The following MARK1 variants were observed in gnomAD, a reference collection of about 807,000 sequenced individuals.
MARK1 encodes serine/threonine-protein kinase MARK1.
In MARK1, 40 loss-of-function variants were observed where a neutral mutation model predicts 96.3. The ratio of observed to expected loss-of-function variants is 0.42; its 90% CI spans 0.32 to 0.54. MARK1 has a LOEUF of 0.54. MARK1 is among the 20% of genes least tolerant of loss of function. MARK1 has a pLI of 0.16. For synonymous variants in MARK1, 317 were observed against 341.2 expected (o/e 0.93, Z 0.78); for missense variants, 719 against 984.6 (o/e 0.73, Z 3.61).
intron 11 of MARK1, among the ~76,000 whole-genome samples, chr1:220,634,555 A>G (rs2103013259): frequency 6.6e-6 from 1 of 152,366 alleles, no homozygotes; most frequent in Non-Finnish European, 1.5e-5. Context: ...AACAGCTTCT[A>G]GTGAATTATT....
chr1:220,612,119 G>A (rs776753495), intron 6 of MARK1, among the ~76,000 whole-genome samples: 8 of 152,174 alleles, frequency 5.3e-5, no homozygotes, highest in African/African-American at 1.2e-4. Flanking sequence ...TCCAATTTGC[G>A]TTAAATATTC....
intron 6 of MARK1, among the ~76,000 whole-genome samples, chr1:220,605,748 AGTGAGAACAT>A (rs1274615729): frequency 2.0e-5 from 3 of 148,722 alleles, no homozygotes; most frequent in Non-Finnish European, 4.4e-5. Context: ...CCCACCTATG[AGTGAGAACAT>A]GTGGTGTTTG....
At chr1:220,634,812 CTGATCAGAAACA>C (rs1667856478) in intron 11 of MARK1, among the ~76,000 whole-genome samples, 1 of 151,838 alleles carries the variant, frequency 6.6e-6, no homozygotes, top group Admixed American at 6.6e-5. Context: ...ATATAATTTC[CTGATCAGAAACA>C]GTAAACCAGA....
chr1:220,592,470 G>T (rs1413346938), intron 3 of MARK1, among the ~76,000 whole-genome samples: 1 of 151,710 alleles, frequency 6.6e-6, no homozygotes, highest in Non-Finnish European at 1.5e-5. Flanking sequence ...CAGTAACCTG[G>T]GTTAGCTCAG....
At chr1:220,573,279 T>A (rs1340738865) in intron 1 of MARK1, among the ~76,000 whole-genome samples, 1 of 152,120 alleles carries the variant, frequency 6.6e-6, no homozygotes, top group Non-Finnish European at 1.5e-5. Context: ...CATGTGACAG[T>A]TTATGTGATA....
chr1:220,659,898 C>T (rs901590140), intron 17 of MARK1, among the ~76,000 whole-genome samples: 6 of 152,140 alleles, frequency 3.9e-5, no homozygotes, highest in African/African-American at 1.2e-4. Context: ...TCAAGCAATT[C>T]TGCCTCAGCC....
At chr1:220,582,215 A>C (rs1664290891) in intron 3 of MARK1, among the ~76,000 whole-genome samples, 2 of 152,198 alleles carry the variant, frequency 1.3e-5, no homozygotes, top group African/African-American at 4.8e-5. Flanking sequence ...ATAACTTTTC[A>C]TAACACTGAT....
chr1:220,544,641 A>G (rs1462675618), intron 1 of MARK1, among the ~76,000 whole-genome samples: 2 of 152,222 alleles, frequency 1.3e-5, no homozygotes, highest in South Asian at 2.1e-4. Context: ...AGATTAAGAC[A>G]GTGCCTTTAG....
At chr1:220,635,788 T>C in intron 12 of MARK1, 45 bp from the exon 13 acceptor site, 1 of 1,412,874 alleles carries the variant, frequency 7.1e-7, no homozygotes, top group Non-Finnish European at 9.6e-7. Flanking sequence ...AGAAAGTAGA[T>C]CAGTTGTTTT....
intron 1 of MARK1, among the ~76,000 whole-genome samples, chr1:220,553,214 C>G (rs189091259): frequency 1.7e-4 from 26 of 152,282 alleles, no homozygotes; most frequent in Non-Finnish European, 7.4e-5. Context: ...GCCATTAGCA[C>G]CAGTCTGTGA....
At chr1:220,583,810 G>T (rs1343857605) in intron 3 of MARK1, among the ~76,000 whole-genome samples, 2 of 146,014 alleles carry the variant, frequency 1.4e-5, no homozygotes, top group East Asian at 4.1e-4. Context: ...ACCATGCCTG[G>T]CTAATTTTTT....
chr1:220,567,054 A>G (rs1558263694), intron 1 of MARK1, among the ~76,000 whole-genome samples: 1 of 152,162 alleles, frequency 6.6e-6, no homozygotes, highest in Non-Finnish European at 1.5e-5. Context: ...GTTTGTTTTC[A>G]TACATATTTT....
At chr1:220,617,374 G>C (rs1303259282) in intron 7 of MARK1, among the ~76,000 whole-genome samples, 1 of 152,060 alleles carries the variant, frequency 6.6e-6, no homozygotes, top group Non-Finnish European at 1.5e-5. Flanking sequence ...TGGGCAGAGT[G>C]CTTGACTCTT....
chr1:220,529,294 C>G (rs1243355114), intron 1 of MARK1, among the ~76,000 whole-genome samples: 2 of 152,186 alleles, frequency 1.3e-5, no homozygotes, highest in Non-Finnish European at 2.9e-5. Flanking sequence ...CTGGATCTTT[C>G]AATCCTTTGC....
chr1:220,584,385 T>C (rs1390137581), intron 3 of MARK1, among the ~76,000 whole-genome samples: 1 of 152,216 alleles, frequency 6.6e-6, no homozygotes, highest in Non-Finnish European at 1.5e-5. Flanking sequence ...GCTAAAGTTT[T>C]ATAGAATGTG....
intron 1 of MARK1, among the ~76,000 whole-genome samples, chr1:220,543,817 A>C (rs1490440473): frequency 6.6e-6 from 1 of 152,098 alleles, no homozygotes; most frequent in East Asian, 1.9e-4. Flanking sequence ...CTCCCTCCCA[A>C]TCTTTGTTCT....
chr1:220,656,663 A>G (rs1669194439), intron 16 of MARK1, among the ~76,000 whole-genome samples: 1 of 152,222 alleles, frequency 6.6e-6, no homozygotes, highest in African/African-American at 2.4e-5. Flanking sequence ...ATGGATTTGT[A>G]TAGATGGCAT....
In MARK1 at chr1:220,654,170, A is replaced by G. The variant is rs1669048989; in HGVS notation, c.1988+818A>G. On this transcript the variant is annotated intron_variant, in intron 16 of 17. Coordinates refer to ENST00000366917, the MANE Select transcript of MARK1 (RefSeq NM_018650.5). The surrounding 1 kb of genome is among the most constrained non-coding windows in gnomAD (Gnocchi z 4.0). ...CATGATATAAAGCAGAACATGTGCT[A>G]AAAAGTGTGGGCAACATGCTGGATT... is the stretch of plus-strand genomic sequence containing the variant. 2.0e-5 allele frequency among the ~76,000 whole-genome samples: 3 copies of G among 152,240 alleles called. No individual in the cohort carries two copies. Among genetic ancestry groups the G allele is most frequent in the Admixed American group, 1.3e-4 (2 of 15,284 alleles).
intron 16 of MARK1, 108 bp from the exon 17 acceptor site, chr1:220,657,682 T>C (rs1669249384): frequency 4.3e-6 from 3 of 698,444 alleles, no homozygotes; most frequent in Admixed American, 3.6e-5. Flanking sequence ...AAAACTGTCA[T>C]GGTAGAAGTT....
Sources: allele counts gnomAD v4.1 joint callset (sites outside exome capture counted in the v4.1 genomes callset), GRCh38; gene constraint gnomAD v4.1.1; non-coding constraint Gnocchi (gnomAD v3.1); transcripts MANE v1.5; gene names NCBI Gene and HGNC (gene_info 2026-07-23, HGNC 2026-07-21).